The following MARCHF1 variants were observed in gnomAD, a reference collection of about 807,000 sequenced individuals.
The protein encoded by MARCHF1 is E3 ubiquitin-protein ligase MARCHF1.
In MARCHF1, 40 loss-of-function variants were observed where a neutral mutation model predicts 54.2. The ratio of observed to expected loss-of-function variants is 0.74; its 90% confidence interval spans 0.57 to 0.96. MARCHF1 has a LOEUF of 0.96. Ranked by LOEUF, MARCHF1 falls within the 40% of genes least tolerant of loss-of-function variation. MARCHF1 has a pLI of 0.00. For synonymous variants in MARCHF1, 236 were observed against 236.3 expected (o/e 1.00, Z 0.01); for missense variants, 586 against 656.5 (o/e 0.89, Z 1.17).
At position 163,723,713 on chromosome 4, in the gene MARCHF1, T is replaced by G. The variant is rs552619561; in HGVS notation, c.112-22850A>C. On this transcript the variant is annotated intron_variant, in intron 4 of 9. Transcript: ENST00000514618. Reference sequence around the variant, plus strand: ...CATAGTCCCATATTTCTTGGAGGCTTTGTTCATGTCTTTTTACTCTTTTTT... The same window carrying G: ...CATAGTCCCATATTTCTTGGAGGCTGTGTTCATGTCTTTTTACTCTTTTTT... Among the ~76,000 whole-genome samples, 38 of 152,300 alleles carry G rather than the reference T, an allele frequency of 2.5e-4. 2 individuals are homozygous for G. The South Asian group carries it at 7.7e-3, about 31-fold the overall frequency.
chr4:163,667,399 A>G (rs1181086057), intron 5 of MARCHF1, among the ~76,000 whole-genome samples: 2 of 152,128 alleles, frequency 1.3e-5, no homozygotes, highest in African/African-American at 4.8e-5. Context: ...AACAACAAAA[A>G]TACCATATAT....
intron 4 of MARCHF1, among the ~76,000 whole-genome samples, chr4:163,847,003 T>C (rs1749501101): frequency 6.6e-6 from 1 of 152,156 alleles, no homozygotes; most frequent in South Asian, 2.1e-4. Flanking sequence ...AATGGGATTC[T>C]AGAAGAAAAA....
chr4:164,100,469 T>G (rs770712968), intron 2 of MARCHF1, among the ~76,000 whole-genome samples: 2 of 152,262 alleles, frequency 1.3e-5, no homozygotes, highest in Non-Finnish European at 2.9e-5. Flanking sequence ...ACACAGGTAC[T>G]TCCAACTTCT....
In MARCHF1 at chr4:163,529,058, A is replaced by AAAAG. The variant is rs772245032; in HGVS notation, c.1340-16_1340-13dup. 1.1e-4 allele frequency: 175 copies of AAAAG among 1,583,732 alleles called. No homozygotes were observed. The African/African-American group carries it at 1.7e-3, about 15-fold the overall frequency. ...CCATTCAAGGACACCTTTGAAATGA[A>AAAAG]AAAGAGAAAATGTTATCACCAAGTT... On this transcript the variant is annotated splice_polypyrimidine_tract_variant and intron_variant, in intron 9 of 9. Transcript: ENST00000514618.
intron 1 of MARCHF1, among the ~76,000 whole-genome samples, chr4:164,219,123 G>T (rs1442778372): frequency 6.6e-6 from 1 of 152,050 alleles, no homozygotes; most frequent in East Asian, 1.9e-4. Flanking sequence ...GCACATGAGT[G>T]TTCCTAGCAG....
At chr4:163,656,827 T>C (rs1478432143) in intron 5 of MARCHF1, among the ~76,000 whole-genome samples, 1 of 151,892 alleles carries the variant, frequency 6.6e-6, no homozygotes, top group Non-Finnish European at 1.5e-5. Flanking sequence ...TTAATAGAGA[T>C]GTAGAAAAAG....
chr4:163,950,601 C>G (rs1752115593), intron 3 of MARCHF1, among the ~76,000 whole-genome samples: 1 of 152,188 alleles, frequency 6.6e-6, no homozygotes, highest in Non-Finnish European at 1.5e-5. Context: ...ATGGCTTCTT[C>G]CTGTTCCCAG....
At position 163,612,478 on chromosome 4, in the gene MARCHF1, T is replaced by C; in HGVS notation, c.803A>G (p.Tyr268Cys). The C allele has an allele frequency of 2.0e-6, 3 of 1,535,246 alleles. No homozygotes were observed. Among genetic ancestry groups the C allele is most frequent in the Admixed American group, 2.0e-5 (1 of 50,920 alleles). ...CAAGAGCTGAGGATCTCTGTGGTGA[T>C]ATCTGCCTTTGCTCTTCTCATGATT... ...SRNHEKSKGR[Y>C]HHRDPQLLQS... Residue 268 changes from tyrosine to cysteine, a missense_variant, in exon 7 of 10, where the codon TAT (tyrosine) becomes TGT (cysteine). Transcript: ENST00000514618.
chr4:163,717,902 T>C (rs1003993152), intron 4 of MARCHF1, among the ~76,000 whole-genome samples: 2 of 152,198 alleles, frequency 1.3e-5, no homozygotes, highest in African/African-American at 4.8e-5. Flanking sequence ...CTTCAAACTA[T>C]GCTACAAGGC....
intron 1 of MARCHF1, among the ~76,000 whole-genome samples, chr4:164,293,965 G>T (rs1302595532): frequency 1.3e-5 from 2 of 152,142 alleles, no homozygotes; most frequent in African/African-American, 2.4e-5. Context: ...CCTTAATCTG[G>T]GTGGTCACCA....
intron 4 of MARCHF1, among the ~76,000 whole-genome samples, chr4:163,792,759 GTACT>G (rs1197885041): frequency 4.6e-5 from 7 of 152,144 alleles, no homozygotes; most frequent in African/African-American, 9.7e-5. Context: ...ATATTGCAAT[GTACT>G]TACTTGTATT....
At chr4:163,900,673 T>C (rs1750920400) in intron 3 of MARCHF1, among the ~76,000 whole-genome samples, 1 of 152,198 alleles carries the variant, frequency 6.6e-6, no homozygotes, top group African/African-American at 2.4e-5. Flanking sequence ...GCAAAATTGT[T>C]TCCGCTGGCA....
At chr4:164,101,524 G>T (rs1327385104) in intron 2 of MARCHF1, among the ~76,000 whole-genome samples, 1 of 129,112 alleles carries the variant, frequency 7.7e-6, no homozygotes, top group Non-Finnish European at 1.7e-5. Flanking sequence ...ACATGGCAGG[G>T]TACTCCAACA....
chr4:163,797,622 T>C (rs1402367356), intron 4 of MARCHF1, among the ~76,000 whole-genome samples: 1 of 152,116 alleles, frequency 6.6e-6, no homozygotes, highest in Non-Finnish European at 1.5e-5. Context: ...GGTTTGATAC[T>C]CCAGTTCACT....
chr4:164,118,337 A>T (rs1755984057), intron 1 of MARCHF1, among the ~76,000 whole-genome samples: 1 of 151,510 alleles, frequency 6.6e-6, no homozygotes, highest in Non-Finnish European at 1.5e-5. Context: ...GAAATTATTA[A>T]CAAAAAAATT....
chr4:164,006,075 C>T (rs1026806391), intron 2 of MARCHF1, among the ~76,000 whole-genome samples: 2 of 150,724 alleles, frequency 1.3e-5, no homozygotes, highest in Non-Finnish European at 3.0e-5. Context: ...AACAAACAAA[C>T]AAAAAAACAA....
chr4:164,355,554 C>T (rs1309301470), intron 1 of MARCHF1, among the ~76,000 whole-genome samples: 1 of 93,428 alleles, frequency 1.1e-5, no homozygotes. Context: ...GGAAAACTGG[C>T]TAGCCATATG....
At chr4:163,648,612 T>TA (rs34542365) in intron 5 of MARCHF1, among the ~76,000 whole-genome samples, 40,915 of 105,010 alleles carry the variant, frequency 0.39, 7,495 homozygotes, top group Non-Finnish European at 0.5. Context: ...GCCCATGAGC[T>TA]AAAAAAAAAA....
intron 1 of MARCHF1, among the ~76,000 whole-genome samples, chr4:164,351,463 C>G (rs375943247): frequency 1.3e-5 from 2 of 151,032 alleles, no homozygotes; most frequent in African/African-American, 4.8e-5. Flanking sequence ...CCCTGACCCC[C>G]GAGCAGCCTA....
Sources: gnomAD v4.1 joint callset for allele counts (sites outside exome capture counted in the v4.1 genomes callset) on GRCh38, gnomAD v4.1.1 for gene constraint, MANE v1.5 for transcripts, NCBI Gene and HGNC (gene_info 2026-07-23, HGNC 2026-07-21) for gene names.